The following AK3 variants were observed in gnomAD, a reference collection of about 807,000 sequenced individuals.
AK3 encodes adenylate kinase 3.
Under a neutral mutation model 23.7 loss-of-function variants are expected in AK3, and 27 were observed. That is an observed-to-expected ratio of 1.14 (90% CI 0.84 to 1.57). The LOEUF (loss-of-function observed/expected upper bound fraction) is 1.57. Ranked by LOEUF, AK3 falls within the 40% of genes most tolerant of loss-of-function variation. AK3 has a pLI of 0.00. For synonymous variants in AK3, 159 were observed against 116.0 expected (o/e 1.37, Z -2.38); for missense variants, 406 against 285.6 (o/e 1.42, Z -3.04).
At chr9:4,726,947 G>A (rs10122613) in intron 1 of AK3, among the ~76,000 whole-genome samples, 553 of 152,110 alleles carry the variant, frequency 3.6e-3, no homozygotes, top group Admixed American at 5.2e-3. Context: ...ATGAATTTCC[G>A]TGTACATCTC....
chr9:4,727,379 G>C (rs918173012), intron 1 of AK3, among the ~76,000 whole-genome samples: 4 of 152,158 alleles, frequency 2.6e-5, no homozygotes, highest in Non-Finnish European at 4.4e-5. Context: ...AATGATCTTA[G>C]CTAGATTTTC....
intron 1 of AK3, among the ~76,000 whole-genome samples, chr9:4,724,335 T>C (rs1841972497): frequency 6.6e-6 from 1 of 151,880 alleles, no homozygotes; most frequent in African/African-American, 2.4e-5. Context: ...TCCCCTCACC[T>C]CTCACTCTTC....
intron 1 of AK3, among the ~76,000 whole-genome samples, chr9:4,734,830 G>T (rs1208671699): frequency 1.3e-5 from 2 of 152,178 alleles, no homozygotes; most frequent in Non-Finnish European, 2.9e-5. Flanking sequence ...AAAAAAGAAT[G>T]AAGTAGTAAA....
intron 1 of AK3, among the ~76,000 whole-genome samples, chr9:4,730,763 A>G (rs983285177): frequency 2.0e-5 from 3 of 152,228 alleles, no homozygotes; most frequent in Non-Finnish European, 2.9e-5. Flanking sequence ...GATTAGATTG[A>G]TATCTTAAAC....
rs140019249 is a variant in AK3 at position 4,719,007 on chromosome 9, A to G, written c.444+128T>C. 1.2e-3 allele frequency: 1,254 copies of G among 1,068,542 alleles called. 13 individuals carry two copies. In the African/African-American group the frequency reaches 0.016, roughly 14 times the overall value. The allele number at this position is 1,068,542 out of a possible 1,614,324, so 66.2% of individuals were successfully genotyped here. A position where few individuals can be genotyped will look rare whatever the true frequency, so the allele number is the denominator to read the frequency against. On this transcript the variant is annotated intron_variant, in intron 3 of 4. Coordinates refer to ENST00000381809, the MANE Select transcript of AK3 (RefSeq NM_016282.4). ...GTGGACTTGATCAGTCAACTCTACC[A>G]AGTAACCTGAGAATATACCCTCAGG...
intron 1 of AK3, among the ~76,000 whole-genome samples, chr9:4,739,316 G>A (rs561959583): frequency 2.0e-5 from 3 of 151,346 alleles, no homozygotes; most frequent in Middle Eastern, 3.4e-3. Context: ...TCAGCCTCCC[G>A]AGTAGCTAGG....
upstream of AK3, among the ~76,000 whole-genome samples, chr9:4,741,514 G>A (rs527329688): frequency 4.6e-3 from 679 of 147,760 alleles, 3 homozygotes; most frequent in Non-Finnish European, 7.6e-3. Flanking sequence ...GCGCCTCTCC[G>A]CGACCCCGGA....
intron 1 of AK3, among the ~76,000 whole-genome samples, chr9:4,728,846 T>TACAC (rs1329276716): frequency 1.8e-4 from 5 of 28,276 alleles, no homozygotes; most frequent in African/African-American, 4.1e-4. Context: ...TATATATATA[T>TACAC]ATATATATAT....
At chr9:4,737,927 A>C (rs572285335) in intron 1 of AK3, among the ~76,000 whole-genome samples, 1 of 152,312 alleles carries the variant, frequency 6.6e-6, no homozygotes, top group South Asian at 2.1e-4. Context: ...GTTATAAAAT[A>C]TAGCACCCTC....
upstream of AK3, chr9:4,741,923 CCT>C (rs1287718781): frequency 4.6e-5 from 7 of 152,404 alleles, no homozygotes; most frequent in Non-Finnish European, 1.0e-4. Context: ...CTTCCCACTC[CCT>C]CTCTGTGTAG....
intron 1 of AK3, among the ~76,000 whole-genome samples, chr9:4,723,376 G>T (rs575781077): frequency 6.6e-6 from 1 of 152,300 alleles, no homozygotes; most frequent in East Asian, 1.9e-4. Flanking sequence ...TTATTGGAGA[G>T]ACTTTTCCAA....
At chr9:4,721,900 G>A (rs10118291) in intron 2 of AK3, among the ~76,000 whole-genome samples, 7,649 of 152,248 alleles carry the variant, frequency 0.05, 611 homozygotes, top group African/African-American at 0.17. Flanking sequence ...AAGCAAGCAA[G>A]TCAGGGCTGC....
chr9:4,712,880 A>C lies in AK3; in HGVS notation c.*96T>G, dbSNP rs1431068188. The C allele has an allele frequency of 7.4e-7, 1 of 1,355,998 alleles. No homozygotes were observed. Among genetic ancestry groups the C allele is most frequent in the Admixed American group, 2.3e-5 (1 of 44,138 alleles). The allele number at this position is 1,355,998 out of a possible 1,614,324, so 84.0% of individuals were successfully genotyped here. A position where few individuals can be genotyped will look rare whatever the true frequency, so the allele number is the denominator to read the frequency against. On this transcript the variant is annotated 3_prime_UTR_variant, in exon 5 of 5. Transcript: ENST00000381809. Reference sequence around the variant, plus strand: ...ATAAAAGTAATATAATTTTCAAAGAATTCATACATACTAGAAGTCTTAGGA... The same window carrying C: ...ATAAAAGTAATATAATTTTCAAAGACTTCATACATACTAGAAGTCTTAGGA...
Position 4,718,402 on chromosome 9 carries a change from G to A in AK3, c.563+17C>T. 3.1e-6 allele frequency: 5 copies of A among 1,597,586 alleles called. No homozygotes were observed. The highest frequency in any genetic ancestry group is 4.3e-6 in the Non-Finnish European group (5 of 1,166,858). Reference sequence around the variant, plus strand: ...TGCACCACTACGCAAGAGAAGTTCTGAAAAGCAAAAACTCACTGGTAATAT... The same window carrying A: ...TGCACCACTACGCAAGAGAAGTTCTAAAAAGCAAAAACTCACTGGTAATAT... On this transcript the variant is annotated intron_variant, in intron 4 of 4. Transcript: ENST00000381809.
chr9:4,734,049 C>T (rs1842214680), intron 1 of AK3, among the ~76,000 whole-genome samples: 1 of 152,110 alleles, frequency 6.6e-6, no homozygotes, highest in African/African-American at 2.4e-5. Context: ...TATGTTGGAA[C>T]CTAACCCCCA....
chr9:4,713,190 A>G, intron 4 of AK3, 94 bp from the exon 5 acceptor site: 1 of 1,474,822 alleles, frequency 6.8e-7, no homozygotes, highest in Non-Finnish European at 9.1e-7. Context: ...GATATTGTAG[A>G]TATAGGAGTC....
rs570922633 is a variant in AK3 at position 4,715,923 on chromosome 9, T to A, written c.563+2496A>T. 4.6e-5 allele frequency among the ~76,000 whole-genome samples: 7 copies of A among 152,210 alleles called. No individual in the cohort carries two copies. The South Asian group carries it at 6.2e-4, about 14-fold the overall frequency. On this transcript the variant is annotated intron_variant, in intron 4 of 4. Coordinates refer to ENST00000381809, the MANE Select transcript of AK3 (RefSeq NM_016282.4). ...TCCCCATCTTCAAGGATGGACATGA[T>A]CAGAGCTAATCGGTGCCGACCCCAA...
At chr9:4,724,589 G>A (rs1300940290) in intron 1 of AK3, among the ~76,000 whole-genome samples, 1 of 152,092 alleles carries the variant, frequency 6.6e-6, no homozygotes, top group Non-Finnish European at 1.5e-5. Context: ...GACCAGCTTA[G>A]GCAACATGGT....
Position 4,714,025 on chromosome 9 carries a change from GCTACACATATACAT to G in AK3, c.564-943_564-930del, listed in dbSNP as rs1841641213. ...ACACATATACACCTACACATATACA[GCTACACATATACAT>G]CTACACATATACACCTACACATATA... On this transcript the variant is annotated intron_variant, in intron 4 of 4. Coordinates refer to ENST00000381809, the MANE Select transcript of AK3 (RefSeq NM_016282.4). 2.5e-3 allele frequency among the ~76,000 whole-genome samples: 7 copies of G among 2,850 alleles called. 1 individual carries two copies. Among genetic ancestry groups the G allele is most frequent in the South Asian group, 6.8e-3 (1 of 146 alleles). The allele number at this position is 2,850 out of a possible 152,430, so 1.9% of individuals were successfully genotyped here. A position where few individuals can be genotyped will look rare whatever the true frequency, so the allele number is the denominator to read the frequency against.
Sources: allele counts gnomAD v4.1 joint callset (sites outside exome capture counted in the v4.1 genomes callset), GRCh38; gene constraint gnomAD v4.1.1; transcripts MANE v1.5; gene names NCBI Gene and HGNC (gene_info 2026-07-23, HGNC 2026-07-21).